The following NECAB1 variants were observed in gnomAD, a reference collection of about 807,000 sequenced individuals.
NECAB1 encodes the protein N-terminal EF-hand calcium binding protein 1.
Under a neutral mutation model 57.5 loss-of-function variants are expected in NECAB1, and 29 were observed. That is an observed-to-expected ratio of 0.50 (90% CI 0.38 to 0.69). The LOEUF (loss-of-function observed/expected upper bound fraction) is 0.69, where lower values mean the gene tolerates loss of function less well. Among genes scored for constraint, NECAB1 ranks in the 30% least tolerant of loss-of-function variants. The pLI is 0.00. For synonymous variants in NECAB1, 142 were observed against 147.7 expected (o/e 0.96, Z 0.28); for missense variants, 372 against 413.8 (o/e 0.90, Z 0.88).
chr8:90,896,655 C>T (rs150595313), intron 5 of NECAB1, among the ~76,000 whole-genome samples: 7 of 152,128 alleles, frequency 4.6e-5, no homozygotes, highest in African/African-American at 1.7e-4. Context: ...CAAACTAATA[C>T]GTCAGTATGT....
intron 9 of NECAB1, among the ~76,000 whole-genome samples, chr8:90,936,030 A>G (rs923735703): frequency 3.9e-5 from 6 of 152,194 alleles, no homozygotes; most frequent in Non-Finnish European, 7.4e-5. Context: ...CAGAAGTAAC[A>G]ATAAGATATT....
At chr8:90,822,901 CT>C (rs1269797792) in intron 2 of NECAB1, among the ~76,000 whole-genome samples, 1 of 149,936 alleles carries the variant, frequency 6.7e-6, no homozygotes, top group Non-Finnish European at 1.5e-5. Flanking sequence ...AAAGGTCTTT[CT>C]TTTTCGCTCT....
intron 1 of NECAB1, among the ~76,000 whole-genome samples, chr8:90,800,613 G>C (rs1811744081): frequency 6.6e-6 from 1 of 152,186 alleles, no homozygotes; most frequent in African/African-American, 2.4e-5. Context: ...CTGAGCATTA[G>C]GATTTCAACA....
At chr8:90,805,865 C>T (rs909867266) in intron 2 of NECAB1, among the ~76,000 whole-genome samples, 1 of 152,122 alleles carries the variant, frequency 6.6e-6, no homozygotes, top group Non-Finnish European at 1.5e-5. Context: ...CACCACCCAT[C>T]GTGTACATTA....
At chr8:90,929,052 A>G (rs532568595) in intron 8 of NECAB1, among the ~76,000 whole-genome samples, 5 of 152,298 alleles carry the variant, frequency 3.3e-5, no homozygotes, top group African/African-American at 9.6e-5. Flanking sequence ...GAAGAAAGCA[A>G]TTGTCTACTT....
intron 2 of NECAB1, among the ~76,000 whole-genome samples, chr8:90,817,902 T>TG (rs768991392): frequency 2.0e-5 from 3 of 151,920 alleles, no homozygotes; most frequent in Non-Finnish European, 2.9e-5. Flanking sequence ...GTTGCTTACA[T>TG]GCTTGGTAGA....
At chr8:90,828,131 G>GTTTTTT (rs397961666) in intron 3 of NECAB1, among the ~76,000 whole-genome samples, 2 of 143,524 alleles carry the variant, frequency 1.4e-5, no homozygotes, top group Non-Finnish European at 1.5e-5. Context: ...GTTCACTGCA[G>GTTTTTT]TTTTTTTTTT....
chr8:90,903,151 TTTA>T (rs1809549295), intron 5 of NECAB1, among the ~76,000 whole-genome samples: 1 of 152,034 alleles, frequency 6.6e-6, no homozygotes, highest in African/African-American at 2.4e-5. Context: ...TTTCAATAGC[TTTA>T]TTGAGTTATA....
Position 90,798,762 on chromosome 8 carries a change from G to A in NECAB1, c.100-2929G>A, listed in dbSNP as rs190383830. ...GTGAATAATGCTGCAATGAATATAC[G>A]AGTGCCATGTGTCTTTTTGGTACAA... On this transcript the variant is annotated intron_variant, in intron 1 of 12. Transcript: ENST00000417640. Among the ~76,000 whole-genome samples the A allele has an allele frequency of 1.2e-3, 189 of 152,220 alleles. 1 individual carries two copies. Among genetic ancestry groups the A allele is most frequent in the African/African-American group, 3.7e-3 (153 of 41,550 alleles).
At position 90,951,278 on chromosome 8, in the gene NECAB1, G is replaced by A. The variant is rs1810919555; in HGVS notation, c.1030+74G>A. 2.0e-5 allele frequency: 16 copies of A among 803,180 alleles called. No homozygotes were observed. The South Asian group carries it at 2.7e-4, about 14-fold the overall frequency. The allele number at this position is 803,180 out of a possible 1,614,324, so 49.8% of individuals were successfully genotyped here. A position where few individuals can be genotyped will look rare whatever the true frequency, so the allele number is the denominator to read the frequency against. Reference sequence around the variant, plus strand: ...TTGTTTGTTTCGTAAAAGATAGTATGCTCTTTCCTTCTATATTTTATCAAT... The same window carrying A: ...TTGTTTGTTTCGTAAAAGATAGTATACTCTTTCCTTCTATATTTTATCAAT... On this transcript the variant is annotated intron_variant, in intron 12 of 12. Coordinates refer to ENST00000417640, the MANE Select transcript of NECAB1 (RefSeq NM_022351.5).
At chr8:90,824,296 C>A (rs1326569118) in intron 2 of NECAB1, among the ~76,000 whole-genome samples, 1 of 151,756 alleles carries the variant, frequency 6.6e-6, no homozygotes, top group East Asian at 1.9e-4. Context: ...CTCTGATATA[C>A]ATTTATTAAA....
chr8:90,925,385 G>C (rs2130165985), intron 6 of NECAB1, 150 bp from the exon 7 acceptor site: 1 of 750,280 alleles, frequency 1.3e-6, no homozygotes, highest in East Asian at 2.7e-5. Flanking sequence ...AATTACATTG[G>C]GTTTCTAGAG....
chr8:90,793,772 C>T (rs1053793506), intron 1 of NECAB1, among the ~76,000 whole-genome samples: 4 of 152,168 alleles, frequency 2.6e-5, no homozygotes, highest in African/African-American at 9.7e-5. Flanking sequence ...TTTTAAAAAG[C>T]ACTTAACAAA....
Position 90,957,671 on chromosome 8 carries a change from G to A in NECAB1, c.*2159G>A, listed in dbSNP as rs1428856582. 1 of 134,394 alleles carries A rather than the reference G, an allele frequency of 7.4e-6. No individual in the cohort carries two copies. Among genetic ancestry groups the A allele is most frequent in the Non-Finnish European group, 1.6e-5 (1 of 62,452 alleles). The allele number at this position is 134,394 out of a possible 1,614,324, so 8.3% of individuals were successfully genotyped here. A position where few individuals can be genotyped will look rare whatever the true frequency, so the allele number is the denominator to read the frequency against. On this transcript the variant is annotated 3_prime_UTR_variant, in exon 13 of 13. Transcript: ENST00000417640. ...TATAGTAGAAAAGGAAACTAGTAGG[G>A]CCAAAAAAAAAAAGAAAAAGAAAAA...
At chr8:90,946,014 C>T (rs1354836747) in intron 10 of NECAB1, among the ~76,000 whole-genome samples, 1 of 152,200 alleles carries the variant, frequency 6.6e-6, no homozygotes, top group African/African-American at 2.4e-5. Flanking sequence ...ATCATTCAAG[C>T]CCTAAGCCTT....
chr8:90,911,414 A>G (rs917147223), intron 5 of NECAB1, among the ~76,000 whole-genome samples: 1 of 152,156 alleles, frequency 6.6e-6, no homozygotes, highest in Admixed American at 6.6e-5. Context: ...CTGATTGTAT[A>G]TATTATAAAT....
intron 5 of NECAB1, among the ~76,000 whole-genome samples, chr8:90,906,876 C>CATATATATATATAT (rs57808023): frequency 4.0e-4 from 49 of 121,718 alleles, no homozygotes; most frequent in South Asian, 1.3e-3. Flanking sequence ...ATGATATACA[C>CATATATATATATAT]ATATATATAT....
At chr8:90,859,511 A>G (rs1178769247) in intron 3 of NECAB1, among the ~76,000 whole-genome samples, 2 of 152,174 alleles carry the variant, frequency 1.3e-5, no homozygotes, top group African/African-American at 4.8e-5. Context: ...TAGGTCAACA[A>G]GAAGCAAGTG....
intron 7 of NECAB1, among the ~76,000 whole-genome samples, chr8:90,925,896 G>A (rs1157821557): frequency 1.3e-5 from 2 of 152,102 alleles, no homozygotes; most frequent in African/African-American, 2.4e-5. Flanking sequence ...ATGGTGAATA[G>A]GGAAGGCAGT....
Sources: gnomAD v4.1 joint callset for allele counts (sites outside exome capture counted in the v4.1 genomes callset) on GRCh38, gnomAD v4.1.1 for gene constraint, MANE v1.5 for transcripts, NCBI Gene and HGNC (gene_info 2026-07-23, HGNC 2026-07-21) for gene names.